The following MEGF8 variants were observed in gnomAD, a reference collection of about 807,000 sequenced individuals.
MEGF8 encodes the protein multiple epidermal growth factor-like domains protein 8.
A neutral mutation model predicts 302.9 loss-of-function variants in MEGF8; 156 were observed. The ratio of observed to expected loss-of-function variants is 0.52; its 90% CI spans 0.45 to 0.59. The LOEUF is 0.59. Among genes scored for constraint, MEGF8 ranks in the 20% least tolerant of loss-of-function variants. The pLI is 0.00. For synonymous variants in MEGF8, 1,621 were observed against 1,660.5 expected (o/e 0.98, Z 0.58); for missense variants, 3,345 against 3,964.5 (o/e 0.84, Z 4.20).
chr19:42,350,039 A>G (rs2039345768), intron 14 of MEGF8, 109 bp from the exon 15 acceptor site: 3 of 844,600 alleles, frequency 3.6e-6, no homozygotes, highest in South Asian at 1.7e-5. Context: ...CTGACTTCCT[A>G]TGTGCCTGAG....
intron 41 of MEGF8, among the ~76,000 whole-genome samples, chr19:42,372,499 G>C (rs2039706782): frequency 6.6e-6 from 1 of 152,064 alleles, no homozygotes; most frequent in South Asian, 2.1e-4. Flanking sequence ...CAGTCCCAGA[G>C]GGAAGAGAAA....
chr19:42,326,942 C>T (rs1170878269), intron 1 of MEGF8, among the ~76,000 whole-genome samples: 4 of 151,884 alleles, frequency 2.6e-5, no homozygotes, highest in African/African-American at 9.7e-5. Context: ...TGGGCTCAAA[C>T]GATCCTCGCA....
In MEGF8 at chr19:42,358,883, A is replaced by G. The variant is rs1206038; in HGVS notation, c.5272A>G (p.Lys1758Glu). The change falls in exon 30 of 42, where the codon AAG becomes GAG. Residue 1758 changes from lysine (K) to glutamate (E), a missense_variant. By Grantham distance (56) the Lys-to-Glu change is moderately conservative. Transcript: ENST00000251268. The surrounding 1 kb of genome is among the most constrained non-coding windows in gnomAD (Gnocchi z 4.4). The stretch of plus-strand genomic sequence containing the variant: ...ATGGGGGTTCCGGGAAGTCAGGAAG[A>G]AGATGGCTCTGTGGGCTGCTCTTGC... Reference protein sequence around the residue: ...GSWGFREVRKKMALWAALAGT... With the variant: ...GSWGFREVRKEMALWAALAGT... 0.066 allele frequency: 106,294 copies of G among 1,611,016 alleles called. 4,703 individuals carry two copies. Among genetic ancestry groups the G allele is most frequent in the Middle Eastern group, 0.19 (1,135 of 6,056 alleles).
Position 42,344,352 on chromosome 19 carries a change from C to T in MEGF8, c.1789-89C>T. 1.3e-6 allele frequency: 2 copies of T among 1,485,410 alleles called. No homozygotes were observed. Among genetic ancestry groups the T allele is most frequent in the Non-Finnish European group, 1.8e-6 (2 of 1,119,832 alleles). 92.0% of individuals were successfully genotyped at this position (1,485,410 alleles called of 1,614,324 possible). A position where few individuals can be genotyped will look rare whatever the true frequency, so the allele number is the denominator to read the frequency against. On this transcript the variant is annotated intron_variant, in intron 10 of 41. Transcript: ENST00000251268. The surrounding 1 kb of genome is among the most constrained non-coding windows in gnomAD (Gnocchi z 4.5). ...CGTTCTTCAGTTTTTTCGCCCTTTCCATCGCAGGACCCTGTATCCACAGCC... is the reference window on the plus strand; with the variant it reads ...CGTTCTTCAGTTTTTTCGCCCTTTCTATCGCAGGACCCTGTATCCACAGCC...
rs886644869 is a variant in MEGF8 at position 42,376,589 on chromosome 19, G to C, written c.8352G>C (p.Leu2784=). Residue 2784 remains leucine (L), a synonymous_variant, in exon 42 of 42, where the codon CTG becomes CTC. Coordinates refer to ENST00000251268, the MANE Select transcript of MEGF8 (RefSeq NM_001271938.2). This position sits in a 1 kb window ranked among gnomAD's most constrained non-coding sequence, Gnocchi z 8.2. ...EDGMAGVATL[L]LQLPGGPHAP... ...GCATGGCTGGCGTGGCCACACTGCT[G>C]CTCCAGCTGCCTGGCGGGCCCCATG... The C allele has an allele frequency of 6.5e-7, 1 of 1,550,338 alleles. No individual in the cohort carries two copies.
At chr19:42,346,026 G>A (rs2039284496) in intron 12 of MEGF8, among the ~76,000 whole-genome samples, 1 of 152,108 alleles carries the variant, frequency 6.6e-6, no homozygotes, top group African/African-American at 2.4e-5. Flanking sequence ...TCAGCCTGCT[G>A]AGTAGCTGGA....
rs2039798336 is a variant in MEGF8, at chr19:42,378,564, C to T, written c.*1789C>T. Reference sequence around the variant, plus strand: ...CTTGAGGACCTCCCTCCCTTCTACCCTAGCTGTCTTCTTGAACTTGGGACT... The same window carrying T: ...CTTGAGGACCTCCCTCCCTTCTACCTTAGCTGTCTTCTTGAACTTGGGACT... On this transcript the variant is annotated 3_prime_UTR_variant, in exon 42 of 42. Transcript: ENST00000251268. 6.5e-6 allele frequency: 1 copy of T among 153,804 alleles called. No individual in the cohort carries two copies. The highest frequency in any genetic ancestry group is 1.5e-5 in the Non-Finnish European group (1 of 68,072). The allele number at this position is 153,804 out of a possible 1,614,324, so 9.5% of individuals were successfully genotyped here. A position where few individuals can be genotyped will look rare whatever the true frequency, so the allele number is the denominator to read the frequency against.
chr19:42,358,677 G>T lies in MEGF8; in HGVS notation c.5176-110G>T. The T allele has an allele frequency of 7.6e-7, 1 of 1,314,116 alleles. No homozygotes were observed. Among genetic ancestry groups the T allele is most frequent in the East Asian group, 2.6e-5 (1 of 38,990 alleles). The allele number at this position is 1,314,116 out of a possible 1,614,324, so 81.4% of individuals were successfully genotyped here. Reference sequence around the variant, plus strand: ...CAGGGAGCCCTGTCTGCACTGGTTAGAGAGGCTGGTGGTTTCAGTCCACAC... The same window carrying T: ...CAGGGAGCCCTGTCTGCACTGGTTATAGAGGCTGGTGGTTTCAGTCCACAC... On this transcript the variant is annotated intron_variant, in intron 29 of 41. Transcript: ENST00000251268. The surrounding 1 kb of genome is among the most constrained non-coding windows in gnomAD (Gnocchi z 4.4).
At chr19:42,328,793 C>T (rs796789647) in intron 1 of MEGF8, among the ~76,000 whole-genome samples, 9 of 151,994 alleles carry the variant, frequency 5.9e-5, no homozygotes, top group African/African-American at 2.2e-4. Flanking sequence ...AAAATTAGCC[C>T]TGCGTGGTGG....
At position 42,336,062 on chromosome 19, in the gene MEGF8, C is replaced by A. The variant is rs1481289692; in HGVS notation, c.960C>A (p.Leu320=). 6.3e-7 allele frequency: 1 copy of A among 1,589,910 alleles called. No individual in the cohort carries two copies. ...CACTGGGCAGGGGCCACTGGGAGCT[C>A]CTGGCACCACCTGCCTCCAGCTCCT... ...FSPLGRGHWE[L]LAPPASSSSG... is the part of the protein sequence containing the mutation. Residue 320 remains leucine, a synonymous_variant, in exon 6 of 42, where the codon CTC becomes CTA. Transcript: ENST00000251268. This position sits in a 1 kb window ranked among gnomAD's most constrained non-coding sequence, Gnocchi z 4.8.
rs1293091099 is a variant in MEGF8, at chr19:42,369,668, A to C, written c.6779A>C (p.Glu2260Ala). ...GAATGCCGCTGCAACCGCCACAGTG[A>C]ATGCGCTGGTGTTGGGGCGCGTGAC... ...STECRCNRHSECAGVGARDHC... is the reference protein window; with the variant it reads ...STECRCNRHSACAGVGARDHC... The change falls in exon 38 of 42, where the codon GAA (glutamate) becomes GCA (alanine). Residue 2260 changes from glutamate (E) to alanine (A), a missense_variant. Glu to Ala is a moderately radical substitution (Grantham distance 107). Coordinates refer to ENST00000251268, the MANE Select transcript of MEGF8 (RefSeq NM_001271938.2). This position sits in a 1 kb window ranked among gnomAD's most constrained non-coding sequence, Gnocchi z 5.7. 5 of 1,612,844 alleles carry C rather than the reference A, an allele frequency of 3.1e-6. No individual in the cohort carries two copies. In the East Asian group the frequency reaches 1.1e-4, roughly 36 times the overall value.
chr19:42,367,312 G>A (rs1175443977), intron 35 of MEGF8, among the ~76,000 whole-genome samples: 2 of 145,894 alleles, frequency 1.4e-5, no homozygotes, highest in South Asian at 2.1e-4. Context: ...TTTTTGAGAC[G>A]GAGTCTCGCT....
At position 42,358,770 on chromosome 19, in the gene MEGF8, G is replaced by A. The variant is rs1475099496; in HGVS notation, c.5176-17G>A. On this transcript the variant is annotated splice_polypyrimidine_tract_variant and intron_variant, in intron 29 of 41. Transcript: ENST00000251268. The surrounding 1 kb of genome is among the most constrained non-coding windows in gnomAD (Gnocchi z 4.4). ...ACTCGAGGAGCCTCAACCCCAGGAC[G>A]CCCCCACTGTCACTAGCGAGATCGT... The A allele has an allele frequency of 4.6e-6, 7 of 1,508,546 alleles. No individual in the cohort carries two copies. The highest frequency in any genetic ancestry group is 1.4e-5 in the South Asian group (1 of 73,520). The allele number at this position is 1,508,546 out of a possible 1,614,324, so 93.4% of individuals were successfully genotyped here. A position where few individuals can be genotyped will look rare whatever the true frequency, so the allele number is the denominator to read the frequency against.
chr19:42,331,960 G>A (rs2039061232), intron 1 of MEGF8, among the ~76,000 whole-genome samples: 1 of 150,454 alleles, frequency 6.6e-6, no homozygotes, highest in African/African-American at 2.4e-5. Context: ...CCGGGTTCAA[G>A]CAATTCTCCT....
Position 42,352,301 on chromosome 19 carries a change from C to T in MEGF8, c.3195C>T (p.Ala1065=). 6.3e-7 allele frequency: 1 copy of T among 1,575,214 alleles called. No homozygotes were observed. The highest frequency in any genetic ancestry group is 8.6e-7 in the Non-Finnish European group (1 of 1,160,932). The change falls in exon 19 of 42, where the codon GCC becomes GCT. Residue 1065 remains alanine, a synonymous_variant. Coordinates refer to ENST00000251268, the MANE Select transcript of MEGF8 (RefSeq NM_001271938.2). This position sits in a 1 kb window ranked among gnomAD's most constrained non-coding sequence, Gnocchi z 4.4. ...EGLGLPVALP[A]RWAYARCPDV... is the part of the protein sequence containing the mutation. ...TGGGGCTTCCCGTGGCCCTCCCTGC[C>T]CGCTGGGCATACGCCCGCTGTCCTG... is the stretch of plus-strand genomic sequence containing the variant.
At chr19:42,343,369 C>G in intron 8 of MEGF8, 108 bp from the exon 9 acceptor site, 2 of 1,292,876 alleles carry the variant, frequency 1.5e-6, no homozygotes, top group Non-Finnish European at 2.1e-6. Context: ...GAGGTTGAAG[C>G]AGCCACCGGA....
At chr19:42,337,512 T>C (rs2039145772) in intron 8 of MEGF8, among the ~76,000 whole-genome samples, 1 of 149,160 alleles carries the variant, frequency 6.7e-6, no homozygotes, top group African/African-American at 2.5e-5. Flanking sequence ...TTTTCTTTTT[T>C]TTTTTTTTTT....
At chr19:42,328,567 A>AGTGT (rs113567438) in intron 1 of MEGF8, among the ~76,000 whole-genome samples, 2,284 of 146,696 alleles carry the variant, frequency 0.016, 48 homozygotes, top group African/African-American at 0.044. Flanking sequence ...CAGAATAGGA[A>AGTGT]GTGTGTGTGT....
In MEGF8 at chr19:42,353,245, C is replaced by T. The variant is rs76757277; in HGVS notation, c.3550+118C>T. ...GTCCTCTCATGCAGCTCTAGGTCCCCTGCCCCATTCCTGTTCCTGACTCAA... is the reference window on the plus strand; with the variant it reads ...GTCCTCTCATGCAGCTCTAGGTCCCTTGCCCCATTCCTGTTCCTGACTCAA... On this transcript the variant is annotated intron_variant, in intron 20 of 41. Transcript: ENST00000251268. This position sits in a 1 kb window ranked among gnomAD's most constrained non-coding sequence, Gnocchi z 6.1. The T allele has an allele frequency of 0.057, 61,814 of 1,080,560 alleles. 2,386 individuals carry two copies. The highest frequency in any genetic ancestry group is 0.15 in the South Asian group (9,437 of 61,412). The allele number at this position is 1,080,560 out of a possible 1,614,324, so 66.9% of individuals were successfully genotyped here.
Sources: allele counts gnomAD v4.1 joint callset (sites outside exome capture counted in the v4.1 genomes callset), GRCh38; gene constraint gnomAD v4.1.1; non-coding constraint Gnocchi (gnomAD v3.1); transcripts MANE v1.5; gene names NCBI Gene and HGNC (gene_info 2026-07-23, HGNC 2026-07-21).